IL19: variants seen among roughly 807,000 people sequenced by gnomAD.
The protein encoded by IL19 is interleukin-19.
In IL19, 15 loss-of-function variants were observed where a neutral mutation model predicts 19.5. That is an observed-to-expected ratio of 0.77 (90% CI 0.52 to 1.19). The LOEUF (loss-of-function observed/expected upper bound fraction) is 1.19, where lower values mean the gene tolerates loss of function less well. Among genes scored for constraint, IL19 ranks in the 50% most tolerant of loss-of-function variants. The pLI, the probability that IL19 is intolerant of heterozygous loss-of-function variation, is 0.00. For missense variants in IL19, 199 were observed against 213.1 expected (o/e 0.93, Z 0.41); for synonymous variants, 78 against 78.3 (o/e 1.00, Z 0.02).
chr1:206,806,590 G>T (rs141574912), intron 2 of IL19, among the ~76,000 whole-genome samples: 2 of 152,190 alleles, frequency 1.3e-5, no homozygotes, highest in East Asian at 3.9e-4. Context: ...GTATGCACTC[G>T]GAAAATACAA....
chr1:206,771,720 T>A (rs1051221429), intron 1 of IL19, among the ~76,000 whole-genome samples: 1 of 152,238 alleles, frequency 6.6e-6, no homozygotes, highest in Non-Finnish European at 1.5e-5. Context: ...GGGACACCTA[T>A]GTCAACCCTT....
intron 1 of IL19, among the ~76,000 whole-genome samples, chr1:206,779,549 A>C (rs911117946): frequency 3.3e-5 from 5 of 152,164 alleles, no homozygotes; most frequent in Admixed American, 3.3e-4. Flanking sequence ...AATAAATGCC[A>C]AATTGTTATT....
At chr1:206,784,565 T>C (rs978787183) in intron 1 of IL19, among the ~76,000 whole-genome samples, 1 of 152,206 alleles carries the variant, frequency 6.6e-6, no homozygotes, top group Non-Finnish European at 1.5e-5. Flanking sequence ...GGTTGCAGTT[T>C]CGTTGTGAGT....
At chr1:206,795,925 A>ATGTGTGTGTGTG (rs1316791210) in intron 1 of IL19, among the ~76,000 whole-genome samples, 2 of 132,244 alleles carry the variant, frequency 1.5e-5, no homozygotes, top group African/African-American at 2.9e-5. Flanking sequence ...ATAAATATAT[A>ATGTGTGTGTGTG]TATGTGTGTG....
intron 2 of IL19, among the ~76,000 whole-genome samples, chr1:206,808,263 G>A (rs1462471703): frequency 2.6e-5 from 4 of 152,206 alleles, no homozygotes; most frequent in Non-Finnish European, 5.9e-5. Context: ...CCCTGAAGGC[G>A]GAGTTGCGGT....
Position 206,842,615 on chromosome 1 carries a change from C to T in IL19, c.527C>T (p.Ser176Leu). 1 of 1,543,178 alleles carries T rather than the reference C, an allele frequency of 6.5e-7. No individual in the cohort carries two copies. The stretch of plus-strand genomic sequence containing the variant: ...AATAAGAATCATGAAGTAATGTTCT[C>T]AGCTTGATGACAAGGAACCTGTATA... ...WINKNHEVMF[S>L]A The change falls in exon 7 of 7, where the codon TCA (serine) becomes TTA (leucine). Residue 176 changes from serine to leucine, a missense_variant. Ser to Leu is a moderately radical substitution (Grantham distance 145). Coordinates refer to ENST00000659997, the MANE Select transcript of IL19 (RefSeq NM_153758.5).
chr1:206,811,464 AG>A (rs1220787690), intron 2 of IL19, among the ~76,000 whole-genome samples: 1 of 131,278 alleles, frequency 7.6e-6, no homozygotes, highest in Non-Finnish European at 1.6e-5. Flanking sequence ...AAAAAAAAAA[AG>A]TTTGGTGACC....
chr1:206,804,746 C>T (rs1466509268), intron 2 of IL19, among the ~76,000 whole-genome samples: 2 of 152,204 alleles, frequency 1.3e-5, no homozygotes, highest in Non-Finnish European at 2.9e-5. Flanking sequence ...CTTTCCGCAC[C>T]TTTGTTTGCG....
rs527732507 is a variant in IL19, at chr1:206,836,331, C to T, written c.-2-330C>T. Among the ~76,000 whole-genome samples the T allele has an allele frequency of 2.6e-5, 4 of 152,206 alleles. No individual in the cohort carries two copies. In the East Asian group the frequency reaches 5.8e-4, roughly 22 times the overall value. ...ATTTATTAAAAACAATGCTTTTCACCCCTGTTGACAAAGTAGGCTGTGTTG... is the reference window on the plus strand; with the variant it reads ...ATTTATTAAAAACAATGCTTTTCACTCCTGTTGACAAAGTAGGCTGTGTTG... On this transcript the variant is annotated intron_variant, in intron 2 of 6. Coordinates refer to ENST00000659997, the MANE Select transcript of IL19 (RefSeq NM_153758.5).
intron 1 of IL19, among the ~76,000 whole-genome samples, chr1:206,775,207 A>T (rs1674960847): frequency 1.3e-5 from 2 of 151,518 alleles, no homozygotes. Context: ...CGCCCGGCTA[A>T]GTTTTTTTAT....
chr1:206,825,524 A>G (rs1182547998), intron 2 of IL19, among the ~76,000 whole-genome samples: 1 of 152,018 alleles, frequency 6.6e-6, no homozygotes, highest in Non-Finnish European at 1.5e-5. Context: ...CTGTAATTCA[A>G]CTCTTCAGTA....
intron 1 of IL19, 125 bp downstream of exon 1, chr1:206,771,203 A>G (rs1293948063): frequency 1.7e-6 from 2 of 1,166,528 alleles, no homozygotes; most frequent in Non-Finnish European, 1.3e-6. Context: ...CCCTTTGTAA[A>G]CCCTCTGGCT....
chr1:206,771,257 A>G (rs1674827774), intron 1 of IL19, 179 bp downstream of exon 1: 1 of 1,257,784 alleles, frequency 8.0e-7, no homozygotes, highest in African/African-American at 1.5e-5. Flanking sequence ...TCCTTTTCAA[A>G]GCGAAGGAAA....
Position 206,771,036 on chromosome 1 carries a change from C to A in IL19, c.-191C>A, listed in dbSNP as rs762750138. 2 of 1,614,144 alleles carry A rather than the reference C, an allele frequency of 1.2e-6. No individual in the cohort carries two copies. The highest frequency in any genetic ancestry group is 4.5e-5 in the East Asian group (2 of 44,886). On this transcript the variant is annotated 5_prime_UTR_variant, in exon 1 of 7. Coordinates refer to ENST00000659997, the MANE Select transcript of IL19 (RefSeq NM_153758.5). ...CCAGGTAAAACTGGATCATCTCAGA[C>A]AAGGCTTGGCAACCCAGGTAACCCT...
At chr1:206,799,378 G>A (rs1675619138) in intron 2 of IL19, among the ~76,000 whole-genome samples, 2 of 152,156 alleles carry the variant, frequency 1.3e-5, no homozygotes, top group African/African-American at 2.4e-5. Context: ...GCAGCAAAAA[G>A]GGGGAATTTA....
At chr1:206,809,391 TG>T (rs1675941902) in intron 2 of IL19, among the ~76,000 whole-genome samples, 4 of 152,328 alleles carry the variant, frequency 2.6e-5, no homozygotes, top group South Asian at 4.1e-4. Flanking sequence ...CAGAAGATGC[TG>T]TCTGTGGGCC....
At chr1:206,803,603 G>A (rs1191596244) in intron 2 of IL19, among the ~76,000 whole-genome samples, 2 of 152,184 alleles carry the variant, frequency 1.3e-5, no homozygotes, top group African/African-American at 2.4e-5. Context: ...GAGCATGGCT[G>A]GAGAGAACAG....
In IL19 at chr1:206,817,139, G is replaced by A. The variant is rs74536629; in HGVS notation, c.-3+18133G>A. On this transcript the variant is annotated intron_variant, in intron 2 of 6. Transcript: ENST00000659997. ...TGGCCTACTGGAGTTTGCACAGAATGAGCTTGCTGACATCACAGCCTAAAT... is the reference window on the plus strand; with the variant it reads ...TGGCCTACTGGAGTTTGCACAGAATAAGCTTGCTGACATCACAGCCTAAAT... Among the ~76,000 whole-genome samples, 393 of 152,318 alleles carry A rather than the reference G, an allele frequency of 2.6e-3. 2 individuals carry two copies. Among genetic ancestry groups the A allele is most frequent in the Admixed American group, 0.018 (273 of 15,294 alleles).
chr1:206,773,373 A>G (rs1674910016), intron 1 of IL19, among the ~76,000 whole-genome samples: 1 of 152,188 alleles, frequency 6.6e-6, no homozygotes, highest in African/African-American at 2.4e-5. Flanking sequence ...CAGCACATAG[A>G]ATGAAACCTT....
Sources: allele counts gnomAD v4.1 joint callset (sites outside exome capture counted in the v4.1 genomes callset), GRCh38; gene constraint gnomAD v4.1.1; transcripts MANE v1.5; gene names NCBI Gene and HGNC (gene_info 2026-07-23, HGNC 2026-07-21).